SFMBT1: variants seen among roughly 807,000 people sequenced by gnomAD.
SFMBT1 encodes the protein Scm like with four mbt domains 1, also known as scm-like with four MBT domains protein 1.
In SFMBT1, 32 loss-of-function variants were observed where a neutral mutation model predicts 108.7. The ratio of observed to expected loss-of-function variants is 0.29; its 90% confidence interval spans 0.22 to 0.40. The LOEUF is 0.40. SFMBT1 is among the 10% of genes least tolerant of loss of function. SFMBT1 has a pLI of 1.00. For missense variants in SFMBT1, 816 were observed against 1,059.6 expected, an observed-to-expected ratio of 0.77 and a Z score of 3.19; for synonymous variants, 348 against 369.5, an observed-to-expected ratio of 0.94 and a Z score of 0.67.
At chr3:52,934,658 C>T (rs1702951794) in intron 5 of SFMBT1, among the ~76,000 whole-genome samples, 155 bp downstream of exon 5, 1 of 152,194 alleles carries the variant, frequency 6.6e-6, no homozygotes, top group Non-Finnish European at 1.5e-5. Context: ...CAGTTTGCAA[C>T]CTCTGAGGGT....
intron 1 of SFMBT1, among the ~76,000 whole-genome samples, chr3:53,032,865 C>T (rs999678231): frequency 6.6e-6 from 1 of 152,154 alleles, no homozygotes; most frequent in Admixed American, 6.5e-5. Flanking sequence ...GTGGTTAATG[C>T]AACCTGAGGG....
intron 10 of SFMBT1, among the ~76,000 whole-genome samples, chr3:52,925,275 A>G (rs1382240927): frequency 6.6e-6 from 1 of 152,220 alleles, no homozygotes; most frequent in Non-Finnish European, 1.5e-5. Context: ...AATGCATATC[A>G]TAATGTAAAA....
chr3:52,999,466 G>A (rs770317242), intron 1 of SFMBT1, among the ~76,000 whole-genome samples: 2 of 150,466 alleles, frequency 1.3e-5, no homozygotes, highest in African/African-American at 4.8e-5. Flanking sequence ...TCCGGATTGC[G>A]TTGGGGTAGT....
intron 4 of SFMBT1, 47 bp from the exon 5 acceptor site, chr3:52,934,948 A>G: frequency 6.6e-7 from 1 of 1,517,482 alleles, no homozygotes; most frequent in East Asian, 2.3e-5. Context: ...CCAGCCACAG[A>G]ATGCAGAGAA....
At chr3:52,972,841 AAC>A (rs55688451) in intron 1 of SFMBT1, among the ~76,000 whole-genome samples, 6,504 of 118,726 alleles carry the variant, frequency 0.055, 234 homozygotes, top group Non-Finnish European at 0.069. Flanking sequence ...ATCTCTACTA[AAC>A]ACACACACAC....
chr3:52,911,827 G>A (rs1702220795), intron 16 of SFMBT1, among the ~76,000 whole-genome samples: 1 of 151,978 alleles, frequency 6.6e-6, no homozygotes, highest in African/African-American at 2.4e-5. Flanking sequence ...AGCCTCCCAA[G>A]TAGCTGGGAT....
intron 10 of SFMBT1, among the ~76,000 whole-genome samples, chr3:52,923,254 A>T (rs1201796989): frequency 6.6e-6 from 1 of 152,184 alleles, no homozygotes; most frequent in East Asian, 1.9e-4. Flanking sequence ...GATAAGAAAA[A>T]CTATTGCATC....
intron 1 of SFMBT1, among the ~76,000 whole-genome samples, chr3:52,996,485 T>G (rs1434652399): frequency 1.3e-5 from 2 of 149,968 alleles, no homozygotes; most frequent in Non-Finnish European, 3.0e-5. Flanking sequence ...AATGCTAGGA[T>G]TATAGGCATG....
At chr3:53,029,738 G>C (rs979187516) in intron 1 of SFMBT1, among the ~76,000 whole-genome samples, 1 of 152,148 alleles carries the variant, frequency 6.6e-6, no homozygotes, top group African/African-American at 2.4e-5. Context: ...AGATGCTTTA[G>C]TCTCCCAAGA....
Position 53,023,188 on chromosome 3 carries a change from A to G in SFMBT1, c.-131+22628T>C, listed in dbSNP as rs779465291. ...ACTCTAATCAGATCAGGAGAGGTCA[A>G]TGTGATCCTTTATGTGACAGAGATC... On this transcript the variant is annotated intron_variant, in intron 1 of 20. Transcript: ENST00000394752. Among the ~76,000 whole-genome samples, 19 of 152,328 alleles carry G rather than the reference A, an allele frequency of 1.2e-4. No homozygotes were observed. The South Asian group carries it at 2.7e-3, about 22-fold the overall frequency.
rs139543412 is a variant in SFMBT1, at chr3:53,003,211, A to C, written c.-130-33953T>G. Among the ~76,000 whole-genome samples the C allele has an allele frequency of 2.5e-3, 368 of 149,796 alleles. 5 individuals carry two copies. Among genetic ancestry groups the C allele is most frequent in the African/African-American group, 8.6e-3 (357 of 41,308 alleles). ...TTTTATATTCCAATTTCAAAAGAAA[A>C]ACTCTCTATATGTTCTGCATCAAGC... is the stretch of plus-strand genomic sequence containing the variant. On this transcript the variant is annotated intron_variant, in intron 1 of 20. Transcript: ENST00000394752.
chr3:52,968,980 G>T, intron 2 of SFMBT1, 121 bp downstream of exon 2: 1 of 1,197,612 alleles, frequency 8.3e-7, no homozygotes, highest in Non-Finnish European at 1.2e-6. Context: ...AGATGGCAAT[G>T]AAAAACAACT....
At chr3:52,964,614 C>T (rs564594880) in intron 2 of SFMBT1, among the ~76,000 whole-genome samples, 5 of 152,126 alleles carry the variant, frequency 3.3e-5, no homozygotes, top group Middle Eastern at 3.4e-3. Context: ...ACTCCAGCAC[C>T]CAGATTGTGG....
chr3:53,017,608 C>T (rs544735217), intron 1 of SFMBT1, among the ~76,000 whole-genome samples: 2 of 152,246 alleles, frequency 1.3e-5, no homozygotes, highest in Admixed American at 1.3e-4. Context: ...ACATGAAGCA[C>T]TCTCATGGAA....
At chr3:52,957,016 G>A (rs1018588936) in intron 2 of SFMBT1, among the ~76,000 whole-genome samples, 1 of 152,088 alleles carries the variant, frequency 6.6e-6, no homozygotes, top group African/African-American at 2.4e-5. Context: ...ATTCAAATAG[G>A]AAGAGAGGAA....
intron 1 of SFMBT1, among the ~76,000 whole-genome samples, chr3:53,025,545 G>A (rs1462932157): frequency 6.6e-6 from 1 of 152,102 alleles, no homozygotes; most frequent in Non-Finnish European, 1.5e-5. Context: ...GCGCCCAGGA[G>A]GTAGATGATT....
chr3:52,938,011 C>T (rs1280394535), intron 4 of SFMBT1, among the ~76,000 whole-genome samples: 6 of 152,100 alleles, frequency 3.9e-5, no homozygotes, highest in African/African-American at 1.4e-4. Context: ...ATATCCTGAG[C>T]CCACTCCTTG....
At chr3:52,924,735 G>C (rs1224573286) in intron 10 of SFMBT1, among the ~76,000 whole-genome samples, 2 of 152,190 alleles carry the variant, frequency 1.3e-5, no homozygotes, top group Admixed American at 1.3e-4. Flanking sequence ...CATCCAGACA[G>C]AGAGTGGAGG....
intron 3 of SFMBT1, 130 bp from the exon 4 acceptor site, chr3:52,943,723 A>AT: frequency 8.4e-7 from 1 of 1,194,446 alleles, no homozygotes; most frequent in Admixed American, 1.9e-5. Flanking sequence ...AGCCTGAGAA[A>AT]TTCCAATTCT....
Sources: gnomAD v4.1 joint callset for allele counts (sites outside exome capture counted in the v4.1 genomes callset) on GRCh38, gnomAD v4.1.1 for gene constraint, MANE v1.5 for transcripts, NCBI Gene and HGNC (gene_info 2026-07-23, HGNC 2026-07-21) for gene names.